ERBB4: variants seen among roughly 807,000 people sequenced by gnomAD.
ERBB4 encodes receptor tyrosine-protein kinase erbB-4.
A neutral mutation model predicts 158.0 loss-of-function variants in ERBB4; 42 were observed. That is an observed-to-expected ratio of 0.27 (90% CI 0.21 to 0.34). ERBB4 has a LOEUF of 0.34. Ranked by LOEUF, ERBB4 falls within the 10% of genes least tolerant of loss-of-function variation. The probability of loss-of-function intolerance (pLI) is 1.00; values close to 1 mark genes in which losing one functional copy is unlikely to be tolerated. For missense variants in ERBB4, 1,333 were observed against 1,624.1 expected (o/e 0.82, Z 3.08); for synonymous variants, 583 against 558.7 (o/e 1.04, Z -0.61).
intron 1 of ERBB4, among the ~76,000 whole-genome samples, chr2:212,223,599 A>T (rs1402771): frequency 6.6e-6 from 1 of 151,012 alleles, no homozygotes; most frequent in Non-Finnish European, 1.5e-5. Context: ...ATGATTTAGC[A>T]TTTAATTTGG....
intron 1 of ERBB4, among the ~76,000 whole-genome samples, chr2:212,468,852 G>A (rs1574977386): frequency 6.6e-6 from 1 of 152,104 alleles, no homozygotes; most frequent in African/African-American, 2.4e-5. Context: ...AACAGGACAG[G>A]ATATATTTCC....
At chr2:211,387,770 G>A (rs901561305) in intron 26 of ERBB4, among the ~76,000 whole-genome samples, 175 bp downstream of exon 26, 12 of 152,058 alleles carry the variant, frequency 7.9e-5, no homozygotes, top group African/African-American at 1.4e-4. Flanking sequence ...TCTCAATTTC[G>A]GATTATCAGC....
At chr2:212,223,166 T>C (rs2083353419) in intron 1 of ERBB4, among the ~76,000 whole-genome samples, 1 of 151,346 alleles carries the variant, frequency 6.6e-6, no homozygotes, top group African/African-American at 2.4e-5. Context: ...CTAGACATAC[T>C]GTATTTCTAT....
intron 1 of ERBB4, among the ~76,000 whole-genome samples, chr2:212,456,906 C>T (rs1482274962): frequency 6.6e-6 from 1 of 151,812 alleles, no homozygotes; most frequent in Non-Finnish European, 1.5e-5. Context: ...TTTTTCTCCC[C>T]TAAATATTCC....
At position 212,270,859 on chromosome 2, in the gene ERBB4, A is replaced by G. The variant is rs552333598; in HGVS notation, c.83-145956T>C. ...AATAGAGAGAGAGAGAGACCTGACTATTTCCCAGCTTTCCAGACCCTGGAC... is the reference window on the plus strand; with the variant it reads ...AATAGAGAGAGAGAGAGACCTGACTGTTTCCCAGCTTTCCAGACCCTGGAC... On this transcript the variant is annotated intron_variant, in intron 1 of 27. Transcript: ENST00000342788. Among the ~76,000 whole-genome samples the G allele has an allele frequency of 4.3e-4, 66 of 151,814 alleles. No homozygotes were observed. In the Middle Eastern group the frequency reaches 0.014, roughly 31 times the overall value.
chr2:212,354,853 G>T (rs1056313166), intron 1 of ERBB4, among the ~76,000 whole-genome samples: 28 of 151,068 alleles, frequency 1.9e-4, no homozygotes, highest in Admixed American at 4.6e-4. Flanking sequence ...ATATCTGCTG[G>T]TTCTTTTTTT....
At chr2:212,189,084 G>T (rs1047292592) in intron 1 of ERBB4, among the ~76,000 whole-genome samples, 1,318 of 98,110 alleles carry the variant, frequency 0.013, 33 homozygotes, top group Non-Finnish European at 0.017. Flanking sequence ...TTTTTTTTTG[G>T]GGGGGGGGGT....
intron 2 of ERBB4, among the ~76,000 whole-genome samples, chr2:211,994,536 A>C (rs748093577): frequency 6.6e-6 from 1 of 152,182 alleles, no homozygotes; most frequent in Non-Finnish European, 1.5e-5. Flanking sequence ...GTATAGTTTG[A>C]TTTTTTATAT....
At chr2:211,872,443 C>CTG (rs2078376420) in intron 3 of ERBB4, among the ~76,000 whole-genome samples, 3 of 152,140 alleles carry the variant, frequency 2.0e-5, no homozygotes. Context: ...TTCTTGAGAA[C>CTG]ACCAATTTTT....
intron 1 of ERBB4, among the ~76,000 whole-genome samples, chr2:212,148,535 A>T (rs1196448832): frequency 6.6e-6 from 1 of 152,182 alleles, no homozygotes; most frequent in African/African-American, 2.4e-5. Flanking sequence ...GATGAAAGAG[A>T]TGGGAGAAAT....
At chr2:212,077,587 T>C (rs1342040792) in intron 2 of ERBB4, among the ~76,000 whole-genome samples, 1 of 151,914 alleles carries the variant, frequency 6.6e-6, no homozygotes, top group African/African-American at 2.4e-5. Context: ...AAACCACAGG[T>C]AAAGTTAAAC....
At chr2:212,351,645 G>A (rs2089256493) in intron 1 of ERBB4, among the ~76,000 whole-genome samples, 2 of 152,138 alleles carry the variant, frequency 1.3e-5, no homozygotes, top group Admixed American at 6.6e-5. Context: ...AAAAAAATCA[G>A]TTCTGTCATC....
At chr2:212,067,323 T>C (rs984189165) in intron 2 of ERBB4, among the ~76,000 whole-genome samples, 1 of 152,010 alleles carries the variant, frequency 6.6e-6, no homozygotes, top group African/African-American at 2.4e-5. Flanking sequence ...CCCATGATTA[T>C]CTTTGGTAGA....
At chr2:212,376,018 T>G (rs1296420190) in intron 1 of ERBB4, among the ~76,000 whole-genome samples, 1 of 152,008 alleles carries the variant, frequency 6.6e-6, no homozygotes, top group Non-Finnish European at 1.5e-5. Flanking sequence ...AAAAATAAAA[T>G]TCCTCTTGTT....
At chr2:212,485,777 T>C (rs78132608) in intron 1 of ERBB4, among the ~76,000 whole-genome samples, 5,896 of 152,174 alleles carry the variant, frequency 0.039, 169 homozygotes, top group South Asian at 0.1. Flanking sequence ...CCTGCAGATT[T>C]AGGGTCCAGT....
intron 1 of ERBB4, among the ~76,000 whole-genome samples, chr2:212,220,847 G>T (rs1366302348): frequency 6.6e-6 from 1 of 151,306 alleles, no homozygotes; most frequent in African/African-American, 2.4e-5. Flanking sequence ...TGTGATTGAT[G>T]AATTAATATC....
chr2:212,374,991 T>C (rs1212462022), intron 1 of ERBB4, among the ~76,000 whole-genome samples: 1 of 152,046 alleles, frequency 6.6e-6, no homozygotes, highest in African/African-American at 2.4e-5. Context: ...TATTTGTCAA[T>C]GATTATGTAA....
At chr2:211,819,156 A>C (rs1236955604) in intron 3 of ERBB4, among the ~76,000 whole-genome samples, 1 of 152,048 alleles carries the variant, frequency 6.6e-6, no homozygotes, top group Non-Finnish European at 1.5e-5. Flanking sequence ...TATTTAGATA[A>C]AATCATTTTT....
intron 1 of ERBB4, chr2:212,426,168 G>A (rs952427418): frequency 2.5e-6 from 1 of 407,486 alleles, no homozygotes; most frequent in Admixed American, 3.4e-5. Context: ...AAGTTTGAAT[G>A]TGATATCACT....
Sources: gnomAD v4.1 joint callset for allele counts (sites outside exome capture counted in the v4.1 genomes callset) on GRCh38, gnomAD v4.1.1 for gene constraint, MANE v1.5 for transcripts, NCBI Gene and HGNC (gene_info 2026-07-23, HGNC 2026-07-21) for gene names.